Variants in OSBPL6 observed in about 807,000 individuals in gnomAD.
OSBPL6 encodes oxysterol-binding protein-related protein 6.
A neutral mutation model predicts 125.8 loss-of-function variants in OSBPL6; 49 were observed. The observed-to-expected ratio is 0.39, with a 90% confidence interval of 0.31 to 0.49. OSBPL6 has a LOEUF of 0.49. Ranked by LOEUF, OSBPL6 falls within the 20% of genes least tolerant of loss-of-function variation. OSBPL6 has a pLI of 0.88. For missense variants in OSBPL6, 986 were observed against 1,135.4 expected (o/e 0.87, Z 1.89); for synonymous variants, 394 against 391.8 (o/e 1.01, Z -0.07).
At chr2:178,212,969 G>A (rs773701542) in intron 1 of OSBPL6, among the ~76,000 whole-genome samples, 3 of 152,160 alleles carry the variant, frequency 2.0e-5, no homozygotes, top group Non-Finnish European at 4.4e-5. Context: ...CACCACACTC[G>A]GCTAATTTTT....
upstream of OSBPL6, among the ~76,000 whole-genome samples, chr2:178,193,882 G>A (rs753429928): frequency 3.3e-5 from 5 of 152,222 alleles, no homozygotes; most frequent in Non-Finnish European, 4.4e-5. Context: ...GTTTCTCTGG[G>A]CCCGGGAAGT....
At chr2:178,204,250 C>G (rs2089419900) in intron 1 of OSBPL6, among the ~76,000 whole-genome samples, 1 of 152,148 alleles carries the variant, frequency 6.6e-6, no homozygotes, top group East Asian at 1.9e-4. Flanking sequence ...TCTCGAACAC[C>G]TGACCTCAAG....
At chr2:178,269,233 C>G (rs1161670847) in intron 1 of OSBPL6, among the ~76,000 whole-genome samples, 1 of 152,108 alleles carries the variant, frequency 6.6e-6, no homozygotes, top group Non-Finnish European at 1.5e-5. Context: ...TTCTGTGCCC[C>G]CCTTGGGTGT....
chr2:178,323,325 G>A (rs1350673076), intron 3 of OSBPL6, among the ~76,000 whole-genome samples: 1 of 151,968 alleles, frequency 6.6e-6, no homozygotes, highest in Non-Finnish European at 1.5e-5. Flanking sequence ...TTTTTCTGTT[G>A]AAATTTTATC....
At chr2:178,243,626 A>G (rs1190667423) in intron 1 of OSBPL6, among the ~76,000 whole-genome samples, 1 of 151,774 alleles carries the variant, frequency 6.6e-6, no homozygotes, top group Non-Finnish European at 1.5e-5. Context: ...CCCATTTCTC[A>G]TTCTCCTCCA....
Position 178,208,885 on chromosome 2 carries a change from A to C in OSBPL6, c.-351+14211A>C, listed in dbSNP as rs2089693446. 1.3e-5 allele frequency among the ~76,000 whole-genome samples: 2 copies of C among 151,496 alleles called. 1 individual carries two copies. The highest frequency in any genetic ancestry group is 4.2e-4 in the South Asian group (2 of 4,804). On this transcript the variant is annotated intron_variant, in intron 1 of 24. Coordinates refer to ENST00000190611, the MANE Select transcript of OSBPL6 (RefSeq NM_032523.4). ...AAAATTTTTGAGATCTTAAATGTCTATAAATATTTTTACACTATTCTCATT... is the reference window on the plus strand; with the variant it reads ...AAAATTTTTGAGATCTTAAATGTCTCTAAATATTTTTACACTATTCTCATT...
At chr2:178,249,352 C>T (rs375470791) in intron 1 of OSBPL6, among the ~76,000 whole-genome samples, 7 of 152,198 alleles carry the variant, frequency 4.6e-5, no homozygotes, top group South Asian at 2.1e-4. Context: ...ATGTATGGCA[C>T]GGTGTTTAGT....
At chr2:178,366,793 C>T (rs1361863751) in intron 13 of OSBPL6, among the ~76,000 whole-genome samples, 2 of 152,208 alleles carry the variant, frequency 1.3e-5, no homozygotes, top group East Asian at 1.9e-4. Context: ...TTCCCTGAGA[C>T]TTGGCCAAAT....
At chr2:178,322,112 T>C (rs1230670194) in intron 3 of OSBPL6, among the ~76,000 whole-genome samples, 1 of 152,230 alleles carries the variant, frequency 6.6e-6, no homozygotes, top group Non-Finnish European at 1.5e-5. Flanking sequence ...CATTGATTTC[T>C]ATATCTATGG....
At chr2:178,350,768 G>T (rs962790310) in intron 12 of OSBPL6, among the ~76,000 whole-genome samples, 43 of 152,134 alleles carry the variant, frequency 2.8e-4, no homozygotes, top group Non-Finnish European at 1.0e-4. Context: ...TTCTACTTTG[G>T]GGAAGGAGGT....
At chr2:178,248,731 T>C (rs894645004) in intron 1 of OSBPL6, among the ~76,000 whole-genome samples, 1 of 152,182 alleles carries the variant, frequency 6.6e-6, no homozygotes, top group Admixed American at 6.5e-5. Context: ...TTAGGTGTTT[T>C]AGAGGAAGAG....
At chr2:178,256,035 G>A (rs750906861) in intron 1 of OSBPL6, among the ~76,000 whole-genome samples, 9 of 152,202 alleles carry the variant, frequency 5.9e-5, no homozygotes, top group Admixed American at 3.9e-4. Flanking sequence ...GAGAAGCTCA[G>A]CTCCTCTTGG....
intron 13 of OSBPL6, among the ~76,000 whole-genome samples, chr2:178,364,884 AT>A (rs1207474365): frequency 1.3e-5 from 2 of 152,264 alleles, no homozygotes; most frequent in East Asian, 3.9e-4. Flanking sequence ...GAACATTAAC[AT>A]TTAAACGACA....
chr2:178,250,376 TCTCCTGCCTCAAAA>T (rs755251958), intron 1 of OSBPL6, among the ~76,000 whole-genome samples: 66 of 152,252 alleles, frequency 4.3e-4, no homozygotes, highest in Middle Eastern at 6.8e-3. Context: ...CAGGCCAGCA[TCTCCTGCCTCAAAA>T]CTCCTGCCCT....
rs1422982661 is a variant in OSBPL6 at position 178,384,208 on chromosome 2, T to C, written c.2013+32T>C. ...GCCACTGGACTCAGTGAGGTTTCTATATAGGTAAGAGGACAGTTCGGTGAT... is the reference window on the plus strand; with the variant it reads ...GCCACTGGACTCAGTGAGGTTTCTACATAGGTAAGAGGACAGTTCGGTGAT... On this transcript the variant is annotated intron_variant, in intron 18 of 24. Transcript: ENST00000190611. 3.7e-6 allele frequency: 6 copies of C among 1,605,590 alleles called. No individual in the cohort carries two copies. The East Asian group carries it at 1.3e-4, about 36-fold the overall frequency.
chr2:178,250,592 A>G (rs1480351606), intron 1 of OSBPL6, among the ~76,000 whole-genome samples: 1 of 152,134 alleles, frequency 6.6e-6, no homozygotes, highest in Non-Finnish European at 1.5e-5. Flanking sequence ...CTTGATTGAC[A>G]AGGCCCCACT....
intron 1 of OSBPL6, among the ~76,000 whole-genome samples, chr2:178,248,640 A>T (rs1235804511): frequency 6.6e-6 from 1 of 152,172 alleles, no homozygotes; most frequent in African/African-American, 2.4e-5. Flanking sequence ...TGTGAGGCTG[A>T]GGATGGAGAT....
At chr2:178,310,236 G>T (rs1300240376) in intron 3 of OSBPL6, among the ~76,000 whole-genome samples, 1 of 152,018 alleles carries the variant, frequency 6.6e-6, no homozygotes, top group African/African-American at 2.4e-5. Context: ...GTCTTCACCT[G>T]CCCTCAATAC....
intron 2 of OSBPL6, among the ~76,000 whole-genome samples, chr2:178,305,430 C>G (rs1290385113): frequency 6.6e-6 from 1 of 152,192 alleles, no homozygotes; most frequent in Non-Finnish European, 1.5e-5. Flanking sequence ...TACCCCTGCT[C>G]TAAGATAACC....
Sources: allele counts gnomAD v4.1 joint callset (sites outside exome capture counted in the v4.1 genomes callset), GRCh38; gene constraint gnomAD v4.1.1; transcripts MANE v1.5; gene names NCBI Gene and HGNC (gene_info 2026-07-23, HGNC 2026-07-21).